NARS2: variants seen among roughly 807,000 people sequenced by gnomAD.
NARS2 encodes the protein asparaginyl-tRNA synthetase.
NARS2 carries 60 observed loss-of-function variants against 62.9 expected under a neutral mutation model. The ratio of observed to expected loss-of-function variants is 0.95; its 90% confidence interval spans 0.77 to 1.18. NARS2 has a LOEUF of 1.18. Ranked by LOEUF, NARS2 falls within the 50% of genes most tolerant of loss-of-function variation. The pLI is 0.00. For synonymous variants in NARS2, 196 were observed against 200.0 expected, an observed-to-expected ratio of 0.98 and a Z score of 0.17; for missense variants, 619 against 576.4, an observed-to-expected ratio of 1.07 and a Z score of -0.76.
intron 12 of NARS2, among the ~76,000 whole-genome samples, chr11:78,442,047 G>C (rs1254090780): frequency 6.6e-6 from 1 of 152,148 alleles, no homozygotes; most frequent in Non-Finnish European, 1.5e-5. Context: ...CCCTGAAATA[G>C]GGAATCATAT....
intron 6 of NARS2, among the ~76,000 whole-genome samples, chr11:78,507,120 G>A (rs1157633951): frequency 6.6e-6 from 1 of 152,008 alleles, no homozygotes; most frequent in Non-Finnish European, 1.5e-5. Flanking sequence ...GAGATACAGA[G>A]AGGCAGTCAC....
chr11:78,548,120 T>A (rs1331999865), intron 5 of NARS2, among the ~76,000 whole-genome samples: 1 of 151,856 alleles, frequency 6.6e-6, no homozygotes, highest in Non-Finnish European at 1.5e-5. Context: ...GAGGCTGAGG[T>A]GGGAGGACTG....
intron 2 of NARS2, among the ~76,000 whole-genome samples, chr11:78,570,925 A>T (rs1856900024): frequency 6.6e-6 from 1 of 152,198 alleles, no homozygotes; most frequent in South Asian, 2.1e-4. Flanking sequence ...TGGGAGCACA[A>T]AAAAGGGGTA....
rs199934205 is a variant in NARS2, at chr11:78,568,797, A to G, written c.252-45T>C. On this transcript the variant is annotated intron_variant, in intron 2 of 13. Coordinates refer to ENST00000281038, the MANE Select transcript of NARS2 (RefSeq NM_024678.6). ...GATAAACAAGATATCATTATATACA[A>G]CCTTCATTTTAATATCAACTTTGCA... 14 of 1,444,948 alleles carry G rather than the reference A, an allele frequency of 9.7e-6. No individual in the cohort carries two copies. In the East Asian group the frequency reaches 2.1e-4, roughly 21 times the overall value. 89.5% of individuals were successfully genotyped at this position (1,444,948 alleles called of 1,614,324 possible). A position where few individuals can be genotyped will look rare whatever the true frequency, so the allele number is the denominator to read the frequency against.
Position 78,465,941 on chromosome 11 carries a change from T to A in NARS2, c.1099A>T (p.Ile367Phe), listed in dbSNP as rs1858601428. Reference protein sequence around the residue: ...KHCGNIPVFVINYPLTLKPFY... With the variant: ...KHCGNIPVFVFNYPLTLKPFY... ...GGCTTGAGTGTTAATGGATAATTAA[T>A]AACGAAGACAGGTATGTTGCCACAG... The change falls in exon 11 of 14, where the codon ATT becomes TTT. Residue 367 changes from isoleucine (I) to phenylalanine (F), a missense_variant. Physicochemically the swap from Ile to Phe is conservative, Grantham distance 21. Transcript: ENST00000281038. 1 of 1,613,940 alleles carries A rather than the reference T, an allele frequency of 6.2e-7. No homozygotes were observed. Among genetic ancestry groups the A allele is most frequent in the African/African-American group, 1.3e-5 (1 of 74,902 alleles).
chr11:78,508,224 T>C (rs1299252093), intron 6 of NARS2, among the ~76,000 whole-genome samples: 6 of 151,830 alleles, frequency 4.0e-5, no homozygotes, highest in Admixed American at 1.3e-4. Context: ...AAAAAATGAA[T>C]AGAGATTAAG....
chr11:78,458,697 C>CT (rs1858262768), intron 11 of NARS2, among the ~76,000 whole-genome samples: 1 of 152,222 alleles, frequency 6.6e-6, no homozygotes, highest in African/African-American at 2.4e-5. Context: ...CACACGGATA[C>CT]TAGGTGTCCA....
intron 5 of NARS2, among the ~76,000 whole-genome samples, chr11:78,554,471 TC>T (rs1220567792): frequency 4.1e-5 from 6 of 147,580 alleles, no homozygotes; most frequent in African/African-American, 1.5e-4. Flanking sequence ...TAGAGCTCTT[TC>T]ACCTCCCTGG....
intron 5 of NARS2, among the ~76,000 whole-genome samples, chr11:78,534,720 AT>A (rs1220509904): frequency 6.6e-6 from 1 of 152,230 alleles, no homozygotes; most frequent in African/African-American, 2.4e-5. Context: ...TGGATCCTGC[AT>A]CTAGCCTATT....
At chr11:78,476,402 T>C (rs1174762425) in intron 9 of NARS2, among the ~76,000 whole-genome samples, 7 of 152,242 alleles carry the variant, frequency 4.6e-5, no homozygotes, top group Non-Finnish European at 1.0e-4. Context: ...CTTTTTCCAC[T>C]GCATTAACTG....
intron 7 of NARS2, among the ~76,000 whole-genome samples, chr11:78,485,780 C>T (rs995339442): frequency 2.2e-4 from 34 of 152,116 alleles, no homozygotes; most frequent in African/African-American, 8.2e-4. Context: ...GCACAAGCAC[C>T]TAAAACACCA....
At chr11:78,519,780 A>G (rs1447678561) in intron 6 of NARS2, among the ~76,000 whole-genome samples, 1 of 151,336 alleles carries the variant, frequency 6.6e-6, no homozygotes, top group Admixed American at 6.6e-5. Context: ...AGCTCACTGC[A>G]ACCTCCGCCT....
At chr11:78,467,657 G>A (rs1858680069) in intron 10 of NARS2, among the ~76,000 whole-genome samples, 1 of 152,098 alleles carries the variant, frequency 6.6e-6, no homozygotes, top group African/African-American at 2.4e-5. Flanking sequence ...CAGGGGTCTG[G>A]GAATGGGGCA....
chr11:78,496,990 G>C (rs1860085877), intron 6 of NARS2, among the ~76,000 whole-genome samples: 1 of 151,972 alleles, frequency 6.6e-6, no homozygotes, highest in Non-Finnish European at 1.5e-5. Context: ...AATAAAATCT[G>C]AGAACAAGGC....
chr11:78,436,497 C>G lies in NARS2; in HGVS notation c.*173G>C, dbSNP rs1387078133. On this transcript the variant is annotated 3_prime_UTR_variant, in exon 14 of 14. Coordinates refer to ENST00000281038, the MANE Select transcript of NARS2 (RefSeq NM_024678.6). ...GGAGCTCATCCTTACGTGAAATACC[C>G]TCAACTTTCTAAGAAAATCACAACC... 3 of 821,986 alleles carry G rather than the reference C, an allele frequency of 3.6e-6. No homozygotes were observed. In the African/African-American group the frequency reaches 5.2e-5, roughly 14 times the overall value. 50.9% of individuals were successfully genotyped at this position (821,986 alleles called of 1,614,324 possible).
At chr11:78,521,204 G>C (rs1225529228) in intron 6 of NARS2, among the ~76,000 whole-genome samples, 1 of 144,628 alleles carries the variant, frequency 6.9e-6, no homozygotes, top group Non-Finnish European at 1.5e-5. Context: ...TCATTCTGTT[G>C]CCCAGGCTGG....
intron 13 of NARS2, 34 bp downstream of exon 13, chr11:78,441,057 C>T (rs376132135): frequency 3.4e-5 from 55 of 1,602,482 alleles, no homozygotes; most frequent in Non-Finnish European, 4.5e-5. Context: ...AGACAAGCAG[C>T]TAGAGTAAGA....
intron 10 of NARS2, 46 bp from the exon 11 acceptor site, chr11:78,466,059 A>G (rs535708398): frequency 2.5e-5 from 39 of 1,538,836 alleles, no homozygotes; most frequent in Non-Finnish European, 3.3e-5. Flanking sequence ...ACAGAGGTGA[A>G]ATATACAATT....
At chr11:78,571,898 C>T (rs2135548604) in intron 1 of NARS2, among the ~76,000 whole-genome samples, 1 of 152,280 alleles carries the variant, frequency 6.6e-6, no homozygotes, top group African/African-American at 2.4e-5. Context: ...GATTCTAAAT[C>T]AACAGTAATT....
Sources: gnomAD v4.1 joint callset for allele counts (sites outside exome capture counted in the v4.1 genomes callset) on GRCh38, gnomAD v4.1.1 for gene constraint, MANE v1.5 for transcripts, NCBI Gene and HGNC (gene_info 2026-07-23, HGNC 2026-07-21) for gene names.